Variants in SCD5 observed in about 807,000 individuals in gnomAD.
The protein encoded by SCD5 is acyl-CoA-desaturase 4.
In SCD5, 20 loss-of-function variants were observed where a neutral mutation model predicts 30.4. The ratio of observed to expected loss-of-function variants is 0.66; its 90% CI spans 0.46 to 0.96. The LOEUF is 0.96. Among genes scored for constraint, SCD5 ranks in the 40% least tolerant of loss-of-function variants. The probability of loss-of-function intolerance (pLI) is 0.00; values close to 1 mark genes in which losing one functional copy is unlikely to be tolerated. For missense variants in SCD5, 381 were observed against 443.3 expected, an observed-to-expected ratio of 0.86 and a Z score of 1.26; for synonymous variants, 173 against 176.4, an observed-to-expected ratio of 0.98 and a Z score of 0.16.
At chr4:82,639,131 A>G (rs1320182657) in intron 3 of SCD5, among the ~76,000 whole-genome samples, 1 of 152,212 alleles carries the variant, frequency 6.6e-6, no homozygotes, top group Non-Finnish European at 1.5e-5. Flanking sequence ...ATCATGGTAA[A>G]TATTTTTATT....
intron 2 of SCD5, chr4:82,691,595 G>A (rs995009826): frequency 6.6e-6 from 1 of 151,672 alleles, no homozygotes; most frequent in Admixed American, 6.6e-5. Context: ...TTCCTGATAG[G>A]AAATTCCACA....
intron 3 of SCD5, chr4:82,660,288 T>A (rs1006883430): frequency 5.3e-6 from 1 of 187,446 alleles, no homozygotes; most frequent in African/African-American, 2.4e-5. Flanking sequence ...ACAAGGATAT[T>A]CAGGACTTGA....
At chr4:82,673,065 C>T (rs1448609158) in intron 3 of SCD5, among the ~76,000 whole-genome samples, 2 of 151,998 alleles carry the variant, frequency 1.3e-5, no homozygotes, top group African/African-American at 4.8e-5. Flanking sequence ...CAGCTAATGT[C>T]ATAAAGGTGA....
At chr4:82,784,595 T>A (rs1262527826) in intron 1 of SCD5, among the ~76,000 whole-genome samples, 1 of 152,234 alleles carries the variant, frequency 6.6e-6, no homozygotes, top group Non-Finnish European at 1.5e-5. Context: ...GGAGTTTCTA[T>A]TCAGACAAGT....
rs201850580 is a variant in SCD5, at chr4:82,686,452, T to C, written c.364-5540A>G. Among the ~76,000 whole-genome samples the C allele has an allele frequency of 4.6e-5, 7 of 152,198 alleles. No individual in the cohort carries two copies. The East Asian group carries it at 5.8e-4, about 13-fold the overall frequency. On this transcript the variant is annotated intron_variant, in intron 2 of 4. Coordinates refer to ENST00000319540, the MANE Select transcript of SCD5 (RefSeq NM_001037582.3). The stretch of plus-strand genomic sequence containing the variant: ...GCACTACATATCAAAAACCCTAAAA[T>C]TGTGCATATATTTTCATCTAACAAT...
intron 1 of SCD5, among the ~76,000 whole-genome samples, chr4:82,733,659 C>T (rs1361506463): frequency 1.3e-5 from 2 of 152,074 alleles, no homozygotes; most frequent in South Asian, 2.1e-4. Context: ...CTGAGAATTC[C>T]GTAACAATTT....
At chr4:82,639,822 C>T (rs1049094420) in intron 3 of SCD5, among the ~76,000 whole-genome samples, 2 of 152,234 alleles carry the variant, frequency 1.3e-5, no homozygotes, top group African/African-American at 4.8e-5. Context: ...CCTCTCCTTC[C>T]TCCGCTCTTT....
At chr4:82,785,119 AC>A (rs1170291323) in intron 1 of SCD5, among the ~76,000 whole-genome samples, 1 of 151,788 alleles carries the variant, frequency 6.6e-6, no homozygotes, top group African/African-American at 2.4e-5. Flanking sequence ...TTCGCTCACC[AC>A]CCCCCATCCC....
At chr4:82,786,776 G>C (rs558759681) in intron 1 of SCD5, among the ~76,000 whole-genome samples, 6 of 139,660 alleles carry the variant, frequency 4.3e-5, no homozygotes, top group Middle Eastern at 3.8e-3. Flanking sequence ...TGGGGGACAA[G>C]AGCGAGACTT....
intron 1 of SCD5, among the ~76,000 whole-genome samples, chr4:82,749,438 T>A (rs533554765): frequency 1.3e-5 from 2 of 152,308 alleles, no homozygotes; most frequent in Admixed American, 1.3e-4. Flanking sequence ...AAACTACAAT[T>A]TCTCCAATGT....
intron 1 of SCD5, among the ~76,000 whole-genome samples, chr4:82,723,906 A>G (rs1196759387): frequency 6.6e-6 from 1 of 152,266 alleles, no homozygotes; most frequent in Non-Finnish European, 1.5e-5. Context: ...AAAAACAATT[A>G]TAAAAGATAG....
At chr4:82,681,824 T>C (rs1299843318) in intron 2 of SCD5, among the ~76,000 whole-genome samples, 3 of 152,162 alleles carry the variant, frequency 2.0e-5, no homozygotes, top group Admixed American at 6.5e-5. Flanking sequence ...ATCTTGGTTG[T>C]CATAAGAGAG....
intron 1 of SCD5, among the ~76,000 whole-genome samples, chr4:82,774,353 AAC>A (rs1490825323): frequency 6.6e-6 from 1 of 152,210 alleles, no homozygotes; most frequent in East Asian, 1.9e-4. Flanking sequence ...ACGACGCATT[AAC>A]GCATGAAAAA....
At chr4:82,758,605 G>A (rs541239117) in intron 1 of SCD5, among the ~76,000 whole-genome samples, 1 of 152,246 alleles carries the variant, frequency 6.6e-6, no homozygotes, top group South Asian at 2.1e-4. Context: ...ATATGACCCA[G>A]AACACCCATT....
chr4:82,750,764 G>A (rs1334033014), intron 1 of SCD5, among the ~76,000 whole-genome samples: 1 of 152,224 alleles, frequency 6.6e-6, no homozygotes, highest in Non-Finnish European at 1.5e-5. Flanking sequence ...GGAGGACTCA[G>A]AAGTCCATTT....
intron 2 of SCD5, among the ~76,000 whole-genome samples, chr4:82,682,133 T>C (rs958737790): frequency 6.6e-6 from 1 of 152,130 alleles, no homozygotes; most frequent in Non-Finnish European, 1.5e-5. Context: ...AGGGCAGCAC[T>C]CACTGGAGCC....
intron 3 of SCD5, among the ~76,000 whole-genome samples, chr4:82,671,552 C>G (rs1728324106): frequency 6.6e-6 from 1 of 152,072 alleles, no homozygotes; most frequent in Non-Finnish European, 1.5e-5. Flanking sequence ...GCTCTCAGAC[C>G]ACAATGGAAT....
At position 82,780,867 on chromosome 4, in the gene SCD5, G is replaced by T. The variant is rs115954984; in HGVS notation, c.232+17439C>A. 9.2e-3 allele frequency among the ~76,000 whole-genome samples: 1,409 copies of T among 152,376 alleles called. 11 individuals are homozygous for T. Among genetic ancestry groups the T allele is most frequent in the Middle Eastern group, 0.034 (10 of 294 alleles). ...TTCTCCGGGGCCTGCTGCTTCCACAGCGTCAGGGGAGGTCCGGGCACAGGG... is the reference window on the plus strand; with the variant it reads ...TTCTCCGGGGCCTGCTGCTTCCACATCGTCAGGGGAGGTCCGGGCACAGGG... On this transcript the variant is annotated intron_variant, in intron 1 of 4. Transcript: ENST00000319540.
intron 1 of SCD5, among the ~76,000 whole-genome samples, chr4:82,717,246 G>A (rs1720247004): frequency 6.6e-6 from 1 of 151,760 alleles, no homozygotes; most frequent in African/African-American, 2.4e-5. Flanking sequence ...GAGGCTCTAG[G>A]GAAAAGATGA....
Sources: allele counts gnomAD v4.1 joint callset (sites outside exome capture counted in the v4.1 genomes callset), GRCh38; gene constraint gnomAD v4.1.1; transcripts MANE v1.5; gene names NCBI Gene and HGNC (gene_info 2026-07-23, HGNC 2026-07-21).